BTG3: variants seen among roughly 807,000 people sequenced by gnomAD.
BTG3 encodes BTG anti-proliferation factor 3, also known as protein BTG3.
BTG3 carries 4 observed loss-of-function variants against 25.8 expected under a neutral mutation model. That is an observed-to-expected ratio of 0.16 (90% CI 0.08 to 0.36). BTG3 has a LOEUF of 0.36. Among genes scored for constraint, BTG3 ranks in the 10% least tolerant of loss-of-function variants. The probability of loss-of-function intolerance (pLI) is 1.00; values close to 1 mark genes in which losing one functional copy is unlikely to be tolerated. For synonymous variants in BTG3, 107 were observed against 99.9 expected (o/e 1.07, Z -0.42); for missense variants, 201 against 304.9 (o/e 0.66, Z 2.54).
At chr21:17,603,648 C>G (rs548359108) in intron 3 of BTG3, among the ~76,000 whole-genome samples, 1 of 152,268 alleles carries the variant, frequency 6.6e-6, no homozygotes, top group South Asian at 2.1e-4. Flanking sequence ...TACCTCAAAA[C>G]CAAATAGAAA....
chr21:17,605,073 C>T, intron 2 of BTG3, 76 bp from the exon 3 acceptor site: 1 of 1,484,102 alleles, frequency 6.7e-7, no homozygotes, highest in South Asian at 1.3e-5. Context: ...TTCATACTTG[C>T]CAAGGTGAGT....
intron 1 of BTG3, among the ~76,000 whole-genome samples, chr21:17,610,441 G>C (rs1452580937): frequency 6.6e-6 from 1 of 152,158 alleles, no homozygotes; most frequent in East Asian, 1.9e-4. Context: ...AAAAACTAGT[G>C]GATCTATCAG....
intron 1 of BTG3, chr21:17,612,294 G>C (rs900770692): frequency 2.0e-5 from 3 of 152,120 alleles, no homozygotes; most frequent in Non-Finnish European, 4.4e-5. Flanking sequence ...TCGAGGACCC[G>C]GCTTCCCGGA....
rs200554253 is a variant in BTG3, at chr21:17,594,352, T to C, written c.520-20A>G. The C allele has an allele frequency of 7.5e-6, 12 of 1,599,232 alleles. No homozygotes were observed. The highest frequency in any genetic ancestry group is 3.4e-5 in the South Asian group (3 of 88,350). On this transcript the variant is annotated intron_variant, in intron 4 of 4. Coordinates refer to ENST00000348354, the MANE Select transcript of BTG3 (RefSeq NM_006806.5). The stretch of plus-strand genomic sequence containing the variant: ...TGAAATCTGTAGGGAAGAGAACACA[T>C]TAAGTTAATTCAAAGGAAAAAATCA...
intron 4 of BTG3, among the ~76,000 whole-genome samples, chr21:17,597,389 A>G (rs2061517827): frequency 6.6e-6 from 1 of 152,032 alleles, no homozygotes; most frequent in Non-Finnish European, 1.5e-5. Flanking sequence ...CACACAGAGA[A>G]AAAAAATGCC....
At chr21:17,609,976 T>C (rs2061696887) in intron 1 of BTG3, among the ~76,000 whole-genome samples, 2 of 152,216 alleles carry the variant, frequency 1.3e-5, no homozygotes, top group South Asian at 4.1e-4. Context: ...ATACATGTAA[T>C]GGAATATTAT....
At chr21:17,598,924 G>T in intron 3 of BTG3, 100 bp from the exon 4 acceptor site, 1 of 895,834 alleles carries the variant, frequency 1.1e-6, no homozygotes, top group Non-Finnish European at 1.7e-6. Flanking sequence ...TCAATACAAG[G>T]CAAAGATTGA....
In BTG3 at chr21:17,609,069, CCT is replaced by C. The variant is rs1241477291; in HGVS notation, c.74_75del (p.Glu25GlyfsTer3). Reference sequence around the variant, plus strand: ...AATTTCTCAGCAAACCTCTCAACTGCCTCTTTTTTCAACTTATCATGTTTTCG... The same window carrying C: ...AATTTCTCAGCAAACCTCTCAACTGCCTTTTTTCAACTTATCATGTTTTCG... ...LVRKHDKLKKEAVERFAEKLT... is the reference protein window; with the variant it reads ...LVRKHDKLKKXAVERFAEKLT... On this transcript the variant is annotated frameshift_variant, in exon 2 of 5. Transcript: ENST00000348354. LOFTEE classifies it high-confidence loss of function. 1 of 1,613,948 alleles carries C rather than the reference CCT, an allele frequency of 6.2e-7. No homozygotes were observed. The highest frequency in any genetic ancestry group is 1.3e-5 in the African/African-American group (1 of 74,924).
Position 17,594,070 on chromosome 21 carries a change from C to T in BTG3, c.*23G>A. On this transcript the variant is annotated 3_prime_UTR_variant, in exon 5 of 5. Coordinates refer to ENST00000348354, the MANE Select transcript of BTG3 (RefSeq NM_006806.5). ...TTATTCTACCTTTTTCTCAACATGA[C>T]ACCAACACAATCAAAAACGAAGTTA... 3 of 1,608,824 alleles carry T rather than the reference C, an allele frequency of 1.9e-6. No individual in the cohort carries two copies. Among genetic ancestry groups the T allele is most frequent in the Non-Finnish European group, 2.5e-6 (3 of 1,177,054 alleles).
At chr21:17,599,068 T>G in intron 3 of BTG3, 1 of 368,372 alleles carries the variant, frequency 2.7e-6, no homozygotes, top group African/African-American at 2.1e-5. Flanking sequence ...CTTATTTTCT[T>G]TCTACTAATT....
At chr21:17,604,726 T>A in intron 3 of BTG3, 134 bp downstream of exon 3, 1 of 1,142,236 alleles carries the variant, frequency 8.8e-7, no homozygotes, top group Non-Finnish European at 1.2e-6. Context: ...AAGTATTTCA[T>A]AAAATTTACA....
intron 1 of BTG3, among the ~76,000 whole-genome samples, chr21:17,611,220 GGGAAGA>G (rs1439942524): frequency 6.6e-6 from 1 of 152,154 alleles, no homozygotes; most frequent in Non-Finnish European, 1.5e-5. Flanking sequence ...TATACGGGTT[GGGAAGA>G]AAGTTTTGCT....
chr21:17,600,094 G>T (rs1028344352), intron 3 of BTG3, among the ~76,000 whole-genome samples: 25 of 151,728 alleles, frequency 1.6e-4, no homozygotes, highest in African/African-American at 5.3e-4. Context: ...GAAGATTTTT[G>T]ATTTTTTTTA....
chr21:17,598,189 G>C (rs988734228), intron 4 of BTG3, among the ~76,000 whole-genome samples: 2 of 152,052 alleles, frequency 1.3e-5, no homozygotes, highest in African/African-American at 4.8e-5. Context: ...GTTTCAGCTT[G>C]AGTAAAATAT....
chr21:17,609,276 T>C, intron 1 of BTG3, 124 bp from the exon 2 acceptor site: 1 of 936,062 alleles, frequency 1.1e-6, no homozygotes, highest in Non-Finnish European at 1.6e-6. Context: ...TTGTATTTCT[T>C]TGGCTTATAT....
At chr21:17,607,065 T>G (rs1276030879) in intron 2 of BTG3, among the ~76,000 whole-genome samples, 2 of 152,220 alleles carry the variant, frequency 1.3e-5, no homozygotes, top group African/African-American at 4.8e-5. Context: ...GTTAATCTTA[T>G]ATTCTATTCA....
chr21:17,610,265 A>G (rs2061701498), intron 1 of BTG3, among the ~76,000 whole-genome samples: 1 of 152,212 alleles, frequency 6.6e-6, no homozygotes, highest in Non-Finnish European at 1.5e-5. Flanking sequence ...TGGTTGTACA[A>G]CTTTGTGAAT....
intron 1 of BTG3, among the ~76,000 whole-genome samples, chr21:17,610,393 AG>A (rs1419883115): frequency 9.0e-4 from 137 of 152,350 alleles, no homozygotes; most frequent in African/African-American, 3.2e-3. Flanking sequence ...GTACTCTTTC[AG>A]GAAGAGAGAT....
At chr21:17,597,958 G>C (rs1001521799) in intron 4 of BTG3, among the ~76,000 whole-genome samples, 2 of 152,004 alleles carry the variant, frequency 1.3e-5, no homozygotes, top group Admixed American at 1.3e-4. Context: ...TTAGTAATAA[G>C]TACATTTACA....
Sources: allele counts gnomAD v4.1 joint callset (sites outside exome capture counted in the v4.1 genomes callset), GRCh38; gene constraint gnomAD v4.1.1; transcripts MANE v1.5; gene names NCBI Gene and HGNC (gene_info 2026-07-23, HGNC 2026-07-21).